The following CLSTN2 variants were observed in gnomAD, a reference collection of about 807,000 sequenced individuals.
CLSTN2 encodes the protein calsyntenin 2.
In CLSTN2, 48 loss-of-function variants were observed where a neutral mutation model predicts 101.2. The observed-to-expected ratio is 0.47, with a 90% CI of 0.38 to 0.60. CLSTN2 has a LOEUF of 0.60. Ranked by LOEUF, CLSTN2 falls within the 20% of genes least tolerant of loss-of-function variation. CLSTN2 has a pLI of 0.00. For missense variants in CLSTN2, 1,160 were observed against 1,238.2 expected (o/e 0.94, Z 0.95); for synonymous variants, 481 against 463.6 (o/e 1.04, Z -0.48).
intron 1 of CLSTN2, among the ~76,000 whole-genome samples, chr3:140,143,182 C>T (rs73868750): frequency 0.069 from 10,541 of 152,172 alleles, 992 homozygotes; most frequent in African/African-American, 0.21. Flanking sequence ...TGACAATCAT[C>T]GTCATGTATC....
chr3:140,166,700 C>T (rs1394145796), intron 1 of CLSTN2, among the ~76,000 whole-genome samples: 1 of 152,160 alleles, frequency 6.6e-6, no homozygotes, highest in Non-Finnish European at 1.5e-5. Flanking sequence ...GTGGCAAGAC[C>T]TAATTTCTGT....
In CLSTN2 at chr3:139,966,423, G is replaced by A. The variant is rs1294031265; in HGVS notation, c.109+30940G>A. ...TGTACTTCCCCTATTATGCCTTGAC[G>A]ATGGTGGTTGTTCTCTCCTGCTCTT... On this transcript the variant is annotated intron_variant, in intron 1 of 16. Coordinates refer to ENST00000458420, the MANE Select transcript of CLSTN2 (RefSeq NM_022131.3). Among the ~76,000 whole-genome samples the A allele has an allele frequency of 3.3e-5, 5 of 152,122 alleles. No individual in the cohort carries two copies. In the East Asian group the frequency reaches 9.6e-4, roughly 29 times the overall value.
chr3:140,511,947 A>C (rs1382174517), intron 8 of CLSTN2, among the ~76,000 whole-genome samples: 6 of 151,472 alleles, frequency 4.0e-5, no homozygotes, highest in Non-Finnish European at 5.9e-5. Context: ...TTCTTTTGTG[A>C]AGTGTCTGTT....
chr3:140,532,024 A>G (rs1935264882), intron 8 of CLSTN2, among the ~76,000 whole-genome samples: 1 of 152,076 alleles, frequency 6.6e-6, no homozygotes, highest in African/African-American at 2.4e-5. Flanking sequence ...GGCCAGTAGG[A>G]CCCACTTGTG....
chr3:140,070,998 C>T lies in CLSTN2; in HGVS notation c.110-104953C>T, dbSNP rs141459097. 3.2e-3 allele frequency among the ~76,000 whole-genome samples: 492 copies of T among 151,988 alleles called. 2 individuals are homozygous for T. The highest frequency in any genetic ancestry group is 0.011 in the African/African-American group (438 of 41,434). Reference sequence around the variant, plus strand: ...AAGCCCATGAGAAGACCTGTGAAAACGTAAAAAAAGAAGATTGGCACGGCA... The same window carrying T: ...AAGCCCATGAGAAGACCTGTGAAAATGTAAAAAAAGAAGATTGGCACGGCA... On this transcript the variant is annotated intron_variant, in intron 1 of 16. Coordinates refer to ENST00000458420, the MANE Select transcript of CLSTN2 (RefSeq NM_022131.3).
intron 2 of CLSTN2, among the ~76,000 whole-genome samples, chr3:140,373,396 T>C (rs147865034): frequency 8.9e-4 from 135 of 152,334 alleles, no homozygotes; most frequent in African/African-American, 3.2e-3. Context: ...ACATGCCCAG[T>C]GTTAACAACT....
At chr3:140,504,817 A>G (rs1016271902) in intron 8 of CLSTN2, among the ~76,000 whole-genome samples, 1 of 152,186 alleles carries the variant, frequency 6.6e-6, no homozygotes, top group Non-Finnish European at 1.5e-5. Context: ...GGTAGGAGGA[A>G]CGCTTTTGTG....
intron 2 of CLSTN2, among the ~76,000 whole-genome samples, chr3:140,207,179 A>G (rs2010794619): frequency 1.3e-5 from 2 of 152,160 alleles, no homozygotes; most frequent in Non-Finnish European, 2.9e-5. Flanking sequence ...TTACCTAATA[A>G]GCTAACAACA....
At chr3:140,232,057 T>A (rs970915076) in intron 2 of CLSTN2, among the ~76,000 whole-genome samples, 16 of 152,240 alleles carry the variant, frequency 1.1e-4, no homozygotes, top group African/African-American at 3.6e-4. Context: ...ATTTAAAATA[T>A]CTATAACAGT....
intron 1 of CLSTN2, among the ~76,000 whole-genome samples, chr3:140,069,051 C>A (rs2008348741): frequency 1.3e-5 from 2 of 152,162 alleles, no homozygotes; most frequent in Non-Finnish European, 2.9e-5. Flanking sequence ...TTGTCTACAT[C>A]TTGCAGACAA....
chr3:140,501,943 G>A (rs561801731), intron 8 of CLSTN2, among the ~76,000 whole-genome samples: 1 of 152,308 alleles, frequency 6.6e-6, no homozygotes, highest in East Asian at 1.9e-4. Flanking sequence ...AAACAGCAAG[G>A]CTGTAGACAC....
intron 1 of CLSTN2, among the ~76,000 whole-genome samples, chr3:140,017,056 G>A (rs1334286238): frequency 3.3e-5 from 5 of 152,210 alleles, no homozygotes; most frequent in African/African-American, 9.6e-5. Context: ...ACCACAGGCA[G>A]TTAGAGTGCT....
chr3:140,457,722 A>C (rs1432776213), intron 6 of CLSTN2, among the ~76,000 whole-genome samples: 1 of 152,238 alleles, frequency 6.6e-6, no homozygotes, highest in African/African-American at 2.4e-5. Context: ...GTGAATTTCC[A>C]GGAGCATCTC....
chr3:140,350,776 A>C (rs2087597383), intron 2 of CLSTN2, among the ~76,000 whole-genome samples: 3 of 152,192 alleles, frequency 2.0e-5, no homozygotes, highest in Admixed American at 1.3e-4. Flanking sequence ...AGGTTACTGA[A>C]GCCTGGGGCC....
chr3:140,129,208 C>T (rs909461266), intron 1 of CLSTN2, among the ~76,000 whole-genome samples: 1 of 151,690 alleles, frequency 6.6e-6, no homozygotes, highest in African/African-American at 2.4e-5. Context: ...TTATGGGCTC[C>T]TAGGAAGCTG....
intron 6 of CLSTN2, among the ~76,000 whole-genome samples, chr3:140,457,274 A>T (rs925240941): frequency 3.9e-5 from 6 of 152,156 alleles, no homozygotes; most frequent in Non-Finnish European, 7.4e-5. Context: ...CTCAGCCTGC[A>T]TCTCTCTGGC....
At chr3:140,219,677 A>AT (rs1224924669) in intron 2 of CLSTN2, among the ~76,000 whole-genome samples, 1 of 152,156 alleles carries the variant, frequency 6.6e-6, no homozygotes, top group African/African-American at 2.4e-5. Flanking sequence ...AGCGCTGCAG[A>AT]TTCAGCTGTG....
chr3:140,414,669 T>A (rs773157637), intron 4 of CLSTN2, among the ~76,000 whole-genome samples: 21 of 152,136 alleles, frequency 1.4e-4, no homozygotes, highest in Middle Eastern at 3.4e-3. Context: ...TTCACCACTA[T>A]ACAATTTATG....
intron 1 of CLSTN2, among the ~76,000 whole-genome samples, chr3:140,168,188 A>G (rs9822943): frequency 0.75 from 114,366 of 152,064 alleles, 44,411 homozygotes; most frequent in East Asian, 0.91. Flanking sequence ...GTTTATCAGA[A>G]CTTGATATTG....
Sources: allele counts gnomAD v4.1 joint callset (sites outside exome capture counted in the v4.1 genomes callset), GRCh38; gene constraint gnomAD v4.1.1; transcripts MANE v1.5; gene names NCBI Gene and HGNC (gene_info 2026-07-23, HGNC 2026-07-21).